The following VTI1A variants were observed in gnomAD, a reference collection of about 807,000 sequenced individuals.
VTI1A encodes vesicle transport through interaction with t-SNAREs homolog 1A.
VTI1A carries 22 observed loss-of-function variants against 34.9 expected under a neutral mutation model. The ratio of observed to expected loss-of-function variants is 0.63; its 90% CI spans 0.45 to 0.90. The LOEUF (loss-of-function observed/expected upper bound fraction) is 0.90, where lower values mean the gene tolerates loss of function less well. Ranked by LOEUF, VTI1A falls within the 40% of genes least tolerant of loss-of-function variation. The pLI, the probability that VTI1A is intolerant of heterozygous loss-of-function variation, is 0.00. For missense variants in VTI1A, 268 were observed against 275.6 expected (o/e 0.97, Z 0.20); for synonymous variants, 87 against 97.3 (o/e 0.89, Z 0.62).
chr10:112,771,280 G>A (rs1020593575), intron 7 of VTI1A, among the ~76,000 whole-genome samples: 3 of 152,218 alleles, frequency 2.0e-5, no homozygotes, highest in African/African-American at 4.8e-5. Flanking sequence ...TGTACAACAC[G>A]CAGTGTGGAG....
intron 4 of VTI1A, among the ~76,000 whole-genome samples, chr10:112,537,133 A>T (rs1299886378): frequency 1.3e-5 from 2 of 151,728 alleles, no homozygotes; most frequent in Non-Finnish European, 2.9e-5. Flanking sequence ...ATTTTAAATG[A>T]CATCTGTCAA....
intron 5 of VTI1A, among the ~76,000 whole-genome samples, chr10:112,576,632 C>T (rs1843720684): frequency 1.3e-5 from 2 of 152,122 alleles, no homozygotes; most frequent in African/African-American, 4.8e-5. Context: ...TACTACCTCC[C>T]ATCATCTATA....
At chr10:112,447,620 G>A (rs1250163684) in intron 1 of VTI1A, among the ~76,000 whole-genome samples, 153 bp downstream of exon 1, 3 of 152,166 alleles carry the variant, frequency 2.0e-5, no homozygotes, top group Non-Finnish European at 2.9e-5. Context: ...GCTTGGTTGA[G>A]GGTAAGGAGT....
intron 7 of VTI1A, among the ~76,000 whole-genome samples, chr10:112,754,663 A>G (rs994482937): frequency 6.6e-6 from 1 of 152,152 alleles, no homozygotes; most frequent in African/African-American, 2.4e-5. Flanking sequence ...AGGCTTTCAA[A>G]CCTCATTCTT....
At chr10:112,562,702 AAGAG>A (rs1009717934) in intron 5 of VTI1A, among the ~76,000 whole-genome samples, 3 of 152,174 alleles carry the variant, frequency 2.0e-5, no homozygotes, top group Non-Finnish European at 2.9e-5. Context: ...AAAGGAGAGA[AAGAG>A]AGAGAAGAGG....
intron 5 of VTI1A, among the ~76,000 whole-genome samples, chr10:112,595,045 A>G (rs1010793384): frequency 6.8e-6 from 1 of 147,216 alleles, no homozygotes; most frequent in Admixed American, 6.7e-5. Context: ...AACCTGAGAA[A>G]AACAAGCAAT....
At chr10:112,664,295 G>A (rs536618958) in intron 5 of VTI1A, among the ~76,000 whole-genome samples, 2 of 152,184 alleles carry the variant, frequency 1.3e-5, no homozygotes, top group Admixed American at 1.3e-4. Context: ...TTCCCTTTCA[G>A]CCAGTTTATA....
At chr10:112,501,954 A>G (rs189440564) in intron 3 of VTI1A, among the ~76,000 whole-genome samples, 1 of 151,908 alleles carries the variant, frequency 6.6e-6, no homozygotes, top group Non-Finnish European at 1.5e-5. Flanking sequence ...ACCAATAAAC[A>G]TAAAGTGGTT....
chr10:112,694,657 C>A (rs1848721131), intron 7 of VTI1A, among the ~76,000 whole-genome samples: 2 of 151,904 alleles, frequency 1.3e-5, no homozygotes, highest in South Asian at 4.1e-4. Context: ...CTTTTTCAAT[C>A]TGAGTTGGTC....
intron 7 of VTI1A, among the ~76,000 whole-genome samples, chr10:112,742,491 T>G (rs1850726426): frequency 6.6e-6 from 1 of 152,248 alleles, no homozygotes; most frequent in Non-Finnish European, 1.5e-5. Flanking sequence ...AACCCAAAAC[T>G]ATTTTTCTTC....
intron 7 of VTI1A, among the ~76,000 whole-genome samples, chr10:112,795,131 A>G (rs1178920238): frequency 6.6e-6 from 1 of 152,236 alleles, no homozygotes; most frequent in African/African-American, 2.4e-5. Context: ...GCTAGAAAGC[A>G]AGACATTCTG....
At chr10:112,682,188 G>A (rs565168676) in intron 7 of VTI1A, among the ~76,000 whole-genome samples, 17 of 152,162 alleles carry the variant, frequency 1.1e-4, no homozygotes, top group East Asian at 5.8e-4. Context: ...AAGTATTTTC[G>A]AGCTCATGGA....
intron 7 of VTI1A, among the ~76,000 whole-genome samples, chr10:112,803,189 C>T (rs1217788514): frequency 1.3e-5 from 2 of 152,200 alleles, no homozygotes; most frequent in South Asian, 2.1e-4. Flanking sequence ...CTGCCTTAGC[C>T]TCCCAAGTAG....
intron 5 of VTI1A, among the ~76,000 whole-genome samples, chr10:112,623,805 A>G (rs1170693056): frequency 6.6e-6 from 1 of 152,210 alleles, no homozygotes; most frequent in Non-Finnish European, 1.5e-5. Context: ...CAACCTCGGC[A>G]CTGTGCAGGG....
chr10:112,790,508 G>A (rs1325742228), intron 7 of VTI1A, among the ~76,000 whole-genome samples: 1 of 152,172 alleles, frequency 6.6e-6, no homozygotes, highest in Non-Finnish European at 1.5e-5. Context: ...GCTAGCAGAG[G>A]TGTGGGTTTT....
chr10:112,789,261 GA>G (rs1852387282), intron 7 of VTI1A, among the ~76,000 whole-genome samples: 1 of 152,074 alleles, frequency 6.6e-6, no homozygotes, highest in Non-Finnish European at 1.5e-5. Context: ...TGTTTATCTA[GA>G]AAAGTCTTTA....
intron 7 of VTI1A, among the ~76,000 whole-genome samples, chr10:112,779,614 T>C (rs1852054378): frequency 6.6e-6 from 1 of 152,232 alleles, no homozygotes; most frequent in African/African-American, 2.4e-5. Flanking sequence ...TGTTAGCACA[T>C]GCTCATCCCA....
the VTI1A span, among the ~76,000 whole-genome samples, chr10:112,850,335 T>A: frequency 6.9e-6 from 1 of 144,940 alleles, no homozygotes; most frequent in East Asian, 2.1e-4. Context: ...TTTCGAACTA[T>A]GTGAGTCATG....
At chr10:112,488,700 T>C (rs1294950311) in intron 3 of VTI1A, among the ~76,000 whole-genome samples, 1 of 152,184 alleles carries the variant, frequency 6.6e-6, no homozygotes, top group Non-Finnish European at 1.5e-5. Flanking sequence ...TCTCTGGTCT[T>C]CATTTCTTTT....
Sources: allele counts gnomAD v4.1 joint callset (sites outside exome capture counted in the v4.1 genomes callset), GRCh38; gene constraint gnomAD v4.1.1; transcripts MANE v1.5; gene names NCBI Gene and HGNC (gene_info 2026-07-23, HGNC 2026-07-21).